CAST: variants seen among roughly 807,000 people sequenced by gnomAD.
CAST encodes the protein MIR583 host.
In CAST, 76 loss-of-function variants were observed where a neutral mutation model predicts 119.6. The ratio of observed to expected loss-of-function variants is 0.64; its 90% CI spans 0.53 to 0.77. The LOEUF (loss-of-function observed/expected upper bound fraction) is 0.77. Among genes scored for constraint, CAST ranks in the 30% least tolerant of loss-of-function variants. The pLI, the probability that CAST is intolerant of heterozygous loss-of-function variation, is 0.00. For synonymous variants in CAST, 319 were observed against 331.6 expected (o/e 0.96, Z 0.41); for missense variants, 953 against 946.5 (o/e 1.01, Z -0.09).
At chr5:96,261,841 AAGAT>A in the CAST span, among the ~76,000 whole-genome samples, 22 of 152,340 alleles carry the variant, frequency 1.4e-4, no homozygotes, top group Admixed American at 7.2e-4. Flanking sequence ...GCAGGTCTGA[AAGAT>A]AGGTTTTATC....
chr5:96,749,541 G>A (rs928722050), intron 19 of CAST, among the ~76,000 whole-genome samples: 10 of 151,972 alleles, frequency 6.6e-5, no homozygotes, highest in Admixed American at 3.3e-4. Context: ...CTTTTTGTTT[G>A]TTTGTTTTGT....
At chr5:96,704,319 C>G (rs1224045825) in intron 3 of CAST, among the ~76,000 whole-genome samples, 1 of 152,064 alleles carries the variant, frequency 6.6e-6, no homozygotes, top group Non-Finnish European at 1.5e-5. Context: ...AGTTTTGGTT[C>G]CTTGATTATT....
chr5:96,502,614 G>GTCTGTCTTTCTT, the CAST span, among the ~76,000 whole-genome samples: 1,311 of 143,266 alleles, frequency 9.2e-3, 8 homozygotes, highest in Non-Finnish European at 0.014. Context: ...AAGTTACCTA[G>GTCTGTCTTTCTT]TCTTTCTTTC....
chr5:96,452,317 G>A, the CAST span, among the ~76,000 whole-genome samples: 3 of 152,072 alleles, frequency 2.0e-5, no homozygotes, highest in African/African-American at 7.2e-5. Flanking sequence ...AGCCATAAAA[G>A]AGGATGAGTC....
intron 1 of CAST, among the ~76,000 whole-genome samples, chr5:96,625,279 C>CCTCTCTCTGT (rs1747699828): frequency 6.6e-6 from 1 of 151,914 alleles, no homozygotes; most frequent in Non-Finnish European, 1.5e-5. Context: ...TTTCTCTCTC[C>CCTCTCTCTGT]CTCTCTCTGT....
intron 1 of CAST, among the ~76,000 whole-genome samples, chr5:96,646,352 A>C (rs889851222): frequency 1.3e-5 from 2 of 152,260 alleles, no homozygotes; most frequent in African/African-American, 4.8e-5. Flanking sequence ...AATAACAGGG[A>C]AAAACTGAAA....
chr5:96,299,249 AAAC>A, the CAST span, among the ~76,000 whole-genome samples: 6,095 of 149,330 alleles, frequency 0.041, 149 homozygotes, highest in African/African-American at 0.058. Context: ...CTCAGTCTCA[AAAC>A]AACAACAACA....
intron 2 of CAST, among the ~76,000 whole-genome samples, chr5:96,693,105 G>A (rs1580992650): frequency 6.6e-6 from 1 of 152,150 alleles, no homozygotes; most frequent in South Asian, 2.1e-4. Flanking sequence ...ATAAATACTT[G>A]TTAGATAAAA....
At chr5:96,003,411 G>A in the CAST span, among the ~76,000 whole-genome samples, 140 of 151,812 alleles carry the variant, frequency 9.2e-4, no homozygotes, top group Middle Eastern at 3.4e-3. Context: ...GGTGGCGGGC[G>A]CCTGTAGTCC....
chr5:96,476,909 C>T, the CAST span, among the ~76,000 whole-genome samples: 3 of 143,550 alleles, frequency 2.1e-5, no homozygotes, highest in Non-Finnish European at 4.5e-5. Flanking sequence ...CTTTCAACAC[C>T]AGTCATGATG....
chr5:96,639,729 C>T lies in CAST; in HGVS notation c.61-35810C>T, dbSNP rs114872179. On this transcript the variant is annotated intron_variant, in intron 1 of 11. Transcript: ENST00000505143. ...GTATGTAATGAGTATCCTTTTGATC[C>T]GACAGCTGAGAGTTTTTTGGTAACT... Among the ~76,000 whole-genome samples the T allele has an allele frequency of 3.9e-3, 595 of 152,270 alleles. 4 individuals carry two copies. Among genetic ancestry groups the T allele is most frequent in the African/African-American group, 0.012 (482 of 41,556 alleles).
At chr5:96,451,589 A>C in the CAST span, among the ~76,000 whole-genome samples, 2 of 152,240 alleles carry the variant, frequency 1.3e-5, no homozygotes, top group Non-Finnish European at 2.9e-5. Context: ...ATGGGCAAAG[A>C]CTTCATGACT....
At chr5:96,043,799 T>G in the CAST span, among the ~76,000 whole-genome samples, 1 of 152,196 alleles carries the variant, frequency 6.6e-6, no homozygotes, top group Non-Finnish European at 1.5e-5. Context: ...TTTAGATGAC[T>G]GAAGAGTCAC....
intron 4 of CAST, among the ~76,000 whole-genome samples, chr5:96,723,568 AT>A (rs1026482361): frequency 4.6e-5 from 7 of 152,118 alleles, no homozygotes; most frequent in African/African-American, 1.7e-4. Context: ...TCTTAAAATT[AT>A]TTTTTTGAAT....
At chr5:96,617,822 A>C (rs1311944761) in intron 1 of CAST, among the ~76,000 whole-genome samples, 4 of 144,008 alleles carry the variant, frequency 2.8e-5, no homozygotes, top group African/African-American at 8.0e-5. Flanking sequence ...AAAAAAAAAA[A>C]AAAAAAACAC....
At chr5:96,393,077 T>TA in the CAST span, 1 of 1,614,116 alleles carries the variant, frequency 6.2e-7, no homozygotes, top group Non-Finnish European at 8.5e-7. Context: ...TTTAGTGTTA[T>TA]AAAAAACATC....
the CAST span, among the ~76,000 whole-genome samples, chr5:96,478,460 C>T: frequency 6.6e-6 from 1 of 152,194 alleles, no homozygotes; most frequent in African/African-American, 2.4e-5. Context: ...TGTTTCCAGC[C>T]TCCTTGTCAC....
the CAST span, among the ~76,000 whole-genome samples, chr5:96,458,160 G>GA: frequency 1.1e-4 from 16 of 151,810 alleles, no homozygotes; most frequent in Non-Finnish European, 1.8e-4. Context: ...TAAAATAGTT[G>GA]AAAAAAAATG....
At chr5:96,685,714 T>G (rs1347566821) in intron 2 of CAST, among the ~76,000 whole-genome samples, 1 of 152,220 alleles carries the variant, frequency 6.6e-6, no homozygotes, top group Non-Finnish European at 1.5e-5. Context: ...TCAACTCTTT[T>G]TGTGCCTAAG....
Sources: allele counts gnomAD v4.1 joint callset (sites outside exome capture counted in the v4.1 genomes callset), GRCh38; gene constraint gnomAD v4.1.1; transcripts MANE v1.5; gene names NCBI Gene and HGNC (gene_info 2026-07-23, HGNC 2026-07-21).